Variants in JAK1 observed in about 807,000 individuals in gnomAD.
JAK1 encodes the protein tyrosine-protein kinase JAK1.
In JAK1, 16 loss-of-function variants were observed where a neutral mutation model predicts 136.6. The observed-to-expected ratio is 0.12, with a 90% CI of 0.08 to 0.18. JAK1 has a LOEUF of 0.18. JAK1 is among the 10% of genes least tolerant of loss of function. The pLI is 1.00. For synonymous variants in JAK1, 492 were observed against 519.5 expected, an observed-to-expected ratio of 0.95 and a Z score of 0.72; for missense variants, 859 against 1,450.1, an observed-to-expected ratio of 0.59 and a Z score of 6.62.
At chr1:64,960,300 T>G (rs566205600) in intron 1 of JAK1, among the ~76,000 whole-genome samples, 1 of 152,312 alleles carries the variant, frequency 6.6e-6, no homozygotes, top group East Asian at 1.9e-4. Context: ...ATCTTAAGCA[T>G]AGTCATTCAA....
intron 14 of JAK1, 139 bp downstream of exon 14, chr1:64,846,510 C>A: frequency 1.5e-6 from 1 of 646,594 alleles, no homozygotes; most frequent in Non-Finnish European, 2.8e-6. Flanking sequence ...ATGACCTGCT[C>A]AGTCCCTCAA....
At position 64,838,075 on chromosome 1, in the gene JAK1, G is replaced by A. The variant is rs1200704581; in HGVS notation, c.2997C>T (p.Tyr999=). Residue 999 remains tyrosine, a synonymous_variant, in exon 22 of 25, where the codon TAC becomes TAT. Coordinates refer to ENST00000342505, the MANE Select transcript of JAK1 (RefSeq NM_002227.4). ...KGMDYLGSRQ[Y]VHRDLAARNV... The stretch of plus-strand genomic sequence containing the variant: ...TTCTTGCTGCCAAGTCCCGGTGAAC[G>A]TATTGCCGAGAACCCAAATAGTCCA... The A allele has an allele frequency of 9.3e-6, 15 of 1,613,952 alleles. No individual in the cohort carries two copies. The highest frequency in any genetic ancestry group is 6.7e-5 in the African/African-American group (5 of 74,908).
At chr1:64,923,723 T>TA (rs796935548) in intron 1 of JAK1, among the ~76,000 whole-genome samples, 23 of 152,204 alleles carry the variant, frequency 1.5e-4, no homozygotes, top group African/African-American at 5.3e-4. Flanking sequence ...TGCCATGACT[T>TA]AAAACAAAAT....
intron 2 of JAK1, among the ~76,000 whole-genome samples, chr1:65,021,945 G>A (rs1184950866): frequency 6.6e-6 from 1 of 152,188 alleles, no homozygotes; most frequent in East Asian, 1.9e-4. Context: ...GAGGAGTACA[G>A]CTGTGTCTTA....
rs1249395449 is a variant in JAK1, at chr1:65,051,226, G to A, written c.-180-6644C>T. 4.0e-5 allele frequency among the ~76,000 whole-genome samples: 6 copies of A among 151,370 alleles called. No individual in the cohort carries two copies. The South Asian group carries it at 8.3e-4, about 21-fold the overall frequency. On this transcript the variant is annotated intron_variant, in intron 1 of 25. Coordinates refer to the JAK1 transcript ENST00000671954. ...AGAAATTAGTGAATGATGATAAGTG[G>A]AAAGATTCATGTCTCAATATACACT... is the stretch of plus-strand genomic sequence containing the variant.
chr1:64,932,306 G>A (rs548221893), intron 1 of JAK1, among the ~76,000 whole-genome samples: 1 of 152,200 alleles, frequency 6.6e-6, no homozygotes, highest in African/African-American at 2.4e-5. Flanking sequence ...CCAGCTACTT[G>A]GGAGGCTGAG....
At chr1:64,954,881 T>G (rs1474499899) in intron 1 of JAK1, among the ~76,000 whole-genome samples, 1 of 152,214 alleles carries the variant, frequency 6.6e-6, no homozygotes, top group Non-Finnish European at 1.5e-5. Context: ...GATCACATTT[T>G]TTCTTTTTCT....
chr1:64,918,054 C>T (rs1044656104), intron 1 of JAK1, among the ~76,000 whole-genome samples: 2 of 152,154 alleles, frequency 1.3e-5, no homozygotes, highest in African/African-American at 4.8e-5. Flanking sequence ...CCTTATACAC[C>T]TAGGTTTATG....
chr1:65,019,486 G>C (rs1454511975), intron 2 of JAK1, among the ~76,000 whole-genome samples: 1 of 145,708 alleles, frequency 6.9e-6, no homozygotes, highest in Non-Finnish European at 1.5e-5. Flanking sequence ...AAAAGTGAAT[G>C]GTTAAAAAAA....
At chr1:65,064,237 T>A (rs1025073609) in intron 1 of JAK1, among the ~76,000 whole-genome samples, 67 of 152,356 alleles carry the variant, frequency 4.4e-4, no homozygotes, top group Non-Finnish European at 5.0e-4. Context: ...AGTCTAAAAT[T>A]AAATAAAATT....
At chr1:64,903,105 C>A (rs1645137342) in intron 1 of JAK1, among the ~76,000 whole-genome samples, 2 of 152,198 alleles carry the variant, frequency 1.3e-5, no homozygotes, top group Non-Finnish European at 2.9e-5. Context: ...CAGCTCACTG[C>A]AACCTCCACC....
chr1:65,001,634 ATG>A (rs1374358227), intron 2 of JAK1, among the ~76,000 whole-genome samples: 3 of 135,392 alleles, frequency 2.2e-5, no homozygotes, highest in Non-Finnish European at 4.7e-5. Context: ...GAGGCAGCAA[ATG>A]TGTGTGTTGT....
chr1:64,857,612 C>A, intron 10 of JAK1, 44 bp downstream of exon 10: 1 of 1,611,530 alleles, frequency 6.2e-7, no homozygotes, highest in South Asian at 1.1e-5. Context: ...ACACTGGACA[C>A]CTCATGGCTG....
chr1:64,925,954 T>A (rs1308227772), intron 1 of JAK1, among the ~76,000 whole-genome samples: 2 of 152,156 alleles, frequency 1.3e-5, no homozygotes, highest in Admixed American at 1.3e-4. Context: ...ACCTCTCCTC[T>A]GTATGAACCC....
chr1:64,912,720 C>CA (rs945819059), intron 1 of JAK1, among the ~76,000 whole-genome samples: 1 of 151,658 alleles, frequency 6.6e-6, no homozygotes, highest in Admixed American at 6.6e-5. Flanking sequence ...GGCAGAACAA[C>CA]AAAAAAAGGT....
intron 2 of JAK1, among the ~76,000 whole-genome samples, chr1:64,885,852 A>G (rs960742185): frequency 6.6e-6 from 1 of 152,240 alleles, no homozygotes; most frequent in Non-Finnish European, 1.5e-5. Flanking sequence ...GCTGTCAAAA[A>G]GGATAACATA....
intron 4 of JAK1, among the ~76,000 whole-genome samples, chr1:64,875,828 C>T (rs1657372083): frequency 6.6e-6 from 1 of 152,116 alleles, no homozygotes; most frequent in South Asian, 2.1e-4. Context: ...GGCAGGGAGG[C>T]TGCCACTCAT....
At chr1:65,011,429 G>A (rs1354416858) in intron 2 of JAK1, among the ~76,000 whole-genome samples, 3 of 151,960 alleles carry the variant, frequency 2.0e-5, no homozygotes, top group African/African-American at 7.3e-5. Flanking sequence ...CAGCCTGGGT[G>A]GCAGAGCAAC....
At chr1:64,914,442 T>A (rs994245516) in intron 1 of JAK1, among the ~76,000 whole-genome samples, 1 of 152,180 alleles carries the variant, frequency 6.6e-6, no homozygotes, top group Admixed American at 6.5e-5. Flanking sequence ...GGTTGTAAAG[T>A]CCCAAAACAA....
Sources: gnomAD v4.1 joint callset for allele counts (sites outside exome capture counted in the v4.1 genomes callset) on GRCh38, gnomAD v4.1.1 for gene constraint, MANE v1.5 for transcripts, NCBI Gene and HGNC (gene_info 2026-07-23, HGNC 2026-07-21) for gene names.